Variants in TENM3 observed in about 807,000 individuals in gnomAD.
TENM3 encodes teneurin-3.
In TENM3, 63 loss-of-function variants were observed where a neutral mutation model predicts 255.1. That is an observed-to-expected ratio of 0.25 (90% confidence interval 0.20 to 0.30). TENM3 has a LOEUF of 0.30. Ranked by LOEUF, TENM3 falls within the 10% of genes least tolerant of loss-of-function variation. The pLI is 1.00. For missense variants in TENM3, 2,929 were observed against 3,461.1 expected, an observed-to-expected ratio of 0.85 and a Z score of 3.86; for synonymous variants, 1,306 against 1,322.3, an observed-to-expected ratio of 0.99 and a Z score of 0.27.
chr4:182,532,892 G>A (rs1393483895), intron 3 of TENM3, among the ~76,000 whole-genome samples: 1 of 152,108 alleles, frequency 6.6e-6, no homozygotes, highest in African/African-American at 2.4e-5. Flanking sequence ...CCTTCTAAGG[G>A]GATTTAAAGT....
chr4:181,766,718 T>C, the TENM3 span, among the ~76,000 whole-genome samples: 1 of 151,178 alleles, frequency 6.6e-6, no homozygotes, highest in Admixed American at 6.6e-5. Flanking sequence ...GGGGTGTGCT[T>C]GAACTAGGGA....
chr4:181,785,491 C>T, the TENM3 span, among the ~76,000 whole-genome samples: 66 of 152,138 alleles, frequency 4.3e-4, no homozygotes, highest in East Asian at 1.7e-3. Context: ...TGAATTGACG[C>T]GTATTACCAT....
At chr4:182,584,117 G>C (rs1173557715) in intron 3 of TENM3, among the ~76,000 whole-genome samples, 2 of 152,144 alleles carry the variant, frequency 1.3e-5, no homozygotes, top group Non-Finnish European at 1.5e-5. Context: ...ACCTGAAAAA[G>C]ATTTGTGAAA....
chr4:182,102,929 C>T, the TENM3 span, among the ~76,000 whole-genome samples: 2 of 152,314 alleles, frequency 1.3e-5, no homozygotes, highest in South Asian at 2.1e-4. Context: ...GTCCTCTCAA[C>T]TGCATTACCT....
chr4:181,712,491 G>A, the TENM3 span, among the ~76,000 whole-genome samples: 4 of 152,184 alleles, frequency 2.6e-5, no homozygotes, highest in Non-Finnish European at 4.4e-5. Flanking sequence ...AAGCATAGCC[G>A]ATGCCAGTAT....
At chr4:181,759,623 G>A in the TENM3 span, among the ~76,000 whole-genome samples, 1 of 151,960 alleles carries the variant, frequency 6.6e-6, no homozygotes, top group Non-Finnish European at 1.5e-5. Context: ...AATACAACTG[G>A]ATAAAACCAT....
chr4:182,090,319 A>G, the TENM3 span, among the ~76,000 whole-genome samples: 1 of 152,232 alleles, frequency 6.6e-6, no homozygotes. Flanking sequence ...AGACCACCCC[A>G]TAGTGGGAAC....
chr4:181,718,974 A>T, the TENM3 span, among the ~76,000 whole-genome samples: 1 of 152,072 alleles, frequency 6.6e-6, no homozygotes, highest in Non-Finnish European at 1.5e-5. Flanking sequence ...TGGGAGGCCG[A>T]GGCGGGTGGA....
intron 3 of TENM3, among the ~76,000 whole-genome samples, chr4:182,372,390 C>T (rs922943683): frequency 6.6e-6 from 1 of 151,956 alleles, no homozygotes; most frequent in East Asian, 1.9e-4. Flanking sequence ...GACATCTTTA[C>T]AAATTAAAAA....
intron 2 of TENM3, among the ~76,000 whole-genome samples, chr4:182,333,496 T>C (rs1005390434): frequency 2.0e-5 from 3 of 152,176 alleles, no homozygotes; most frequent in African/African-American, 7.2e-5. Flanking sequence ...ATCTTATCAA[T>C]AGATGATTTA....
chr4:182,204,892 T>TA (rs1172921603), intron 1 of TENM3, among the ~76,000 whole-genome samples: 1 of 152,236 alleles, frequency 6.6e-6, no homozygotes, highest in Non-Finnish European at 1.5e-5. Flanking sequence ...GAGATTTCTC[T>TA]AAAAAGTAAC....
intron 3 of TENM3, among the ~76,000 whole-genome samples, chr4:182,597,416 GA>G (rs544972157): frequency 1.8e-4 from 27 of 151,618 alleles, no homozygotes; most frequent in Non-Finnish European, 3.1e-4. Flanking sequence ...CTCAGAGGAA[GA>G]AAAAAACAAA....
Position 182,600,897 on chromosome 4 carries a change from C to CTT in TENM3, c.512-5_512-4dup, listed in dbSNP as rs548783934. 2,972 of 495,698 alleles carry CTT rather than the reference C, an allele frequency of 6.0e-3. 34 individuals are homozygous for CTT. Among genetic ancestry groups the CTT allele is most frequent in the African/African-American group, 0.025 (746 of 30,390 alleles). 30.7% of individuals were successfully genotyped at this position (495,698 alleles called of 1,614,324 possible). A position where few individuals can be genotyped will look rare whatever the true frequency, so the allele number is the denominator to read the frequency against. On this transcript the variant is annotated intron_variant, in intron 3 of 27. Coordinates refer to ENST00000511685, the MANE Select transcript of TENM3 (RefSeq NM_001080477.4). The stretch of plus-strand genomic sequence containing the variant: ...TATATATATATAATGAGTTCTCTTT[C>CTT]TTTTTTTTTTTTTTTTTTTTTTTCA...
the TENM3 span, among the ~76,000 whole-genome samples, chr4:181,858,175 T>C: frequency 1.3e-5 from 2 of 152,246 alleles, no homozygotes; most frequent in Non-Finnish European, 2.9e-5. Context: ...CACGGCTTAC[T>C]GCAGCAGCTC....
intron 13 of TENM3, among the ~76,000 whole-genome samples, chr4:182,727,219 G>A (rs1401661094): frequency 6.6e-6 from 1 of 152,108 alleles, no homozygotes; most frequent in Non-Finnish European, 1.5e-5. Flanking sequence ...ACTTTGAGAG[G>A]CCTAGGCGGG....
chr4:181,910,537 C>CA, the TENM3 span, among the ~76,000 whole-genome samples: 1,109 of 107,644 alleles, frequency 0.01, 13 homozygotes, highest in African/African-American at 0.033. Context: ...GACTCCATCT[C>CA]AAAAAAAAAA....
chr4:182,572,268 A>G (rs1744465296), intron 3 of TENM3, among the ~76,000 whole-genome samples: 1 of 152,226 alleles, frequency 6.6e-6, no homozygotes, highest in South Asian at 2.1e-4. Flanking sequence ...ACACAACAGC[A>G]TATTCTTTTT....
chr4:181,490,895 G>A, the TENM3 span, among the ~76,000 whole-genome samples: 1 of 151,980 alleles, frequency 6.6e-6, no homozygotes, highest in Non-Finnish European at 1.5e-5. Context: ...CAAGTATCAT[G>A]CTCTCTGGTG....
chr4:182,206,396 A>T (rs906454434), intron 1 of TENM3, among the ~76,000 whole-genome samples: 4 of 152,156 alleles, frequency 2.6e-5, no homozygotes, highest in Non-Finnish European at 5.9e-5. Context: ...AAGCATCTCA[A>T]GGAGTCTGTT....
Sources: gnomAD v4.1 joint callset for allele counts (sites outside exome capture counted in the v4.1 genomes callset) on GRCh38, gnomAD v4.1.1 for gene constraint, MANE v1.5 for transcripts, NCBI Gene and HGNC (gene_info 2026-07-23, HGNC 2026-07-21) for gene names.